The following MCPH1 variants were observed in gnomAD, a reference collection of about 807,000 sequenced individuals.
The protein encoded by MCPH1 is microcephalin.
A neutral mutation model predicts 84.5 loss-of-function variants in MCPH1; 104 were observed. The observed-to-expected ratio is 1.23, with a 90% CI of 1.05 to 1.45. The LOEUF is 1.45. MCPH1 is among the 40% of genes most tolerant of loss of function. The pLI, the probability that MCPH1 is intolerant of heterozygous loss-of-function variation, is 0.00. For missense variants in MCPH1, 1,498 were observed against 1,005.7 expected (o/e 1.49, Z -6.62); for synonymous variants, 514 against 366.8 (o/e 1.40, Z -4.58).
rs1396846040 is a variant in MCPH1, at chr8:6,465,844, T to A, written c.1935+10592T>A. ...TTGTCTTGAAGGCTAGAATTTACTT[T>A]AAATGTGAGTGGTTTTCCCAGGAAA... is the stretch of plus-strand genomic sequence containing the variant. On this transcript the variant is annotated intron_variant, in intron 9 of 13. Transcript: ENST00000344683. 2.6e-5 allele frequency among the ~76,000 whole-genome samples: 4 copies of A among 152,332 alleles called. No individual in the cohort carries two copies. In the East Asian group the frequency reaches 7.7e-4, roughly 29 times the overall value.
intron 9 of MCPH1, among the ~76,000 whole-genome samples, chr8:6,457,687 C>T (rs568035736): frequency 9.8e-4 from 149 of 152,282 alleles, no homozygotes; most frequent in South Asian, 1.0e-3. Context: ...TGCGGCACCC[C>T]GTCCTTAACG....
In MCPH1 at chr8:6,546,584, G is replaced by T. The variant is rs139340584; in HGVS notation, c.2214+46655G>T. On this transcript the variant is annotated intron_variant, in intron 12 of 13. Coordinates refer to ENST00000344683, the MANE Select transcript of MCPH1 (RefSeq NM_024596.5). Reference sequence around the variant, plus strand: ...ATATGTATATTGGTATTTTCAAATAGCTACTAAATTGTCAGAACATAAATA... The same window carrying T: ...ATATGTATATTGGTATTTTCAAATATCTACTAAATTGTCAGAACATAAATA... Among the ~76,000 whole-genome samples, 492 of 152,172 alleles carry T rather than the reference G, an allele frequency of 3.2e-3. 7 individuals are homozygous for T. The highest frequency in any genetic ancestry group is 0.011 in the African/African-American group (474 of 41,512).
intron 12 of MCPH1, among the ~76,000 whole-genome samples, chr8:6,553,604 G>C (rs1451762022): frequency 6.6e-6 from 1 of 152,032 alleles, no homozygotes; most frequent in East Asian, 1.9e-4. Flanking sequence ...CTTTGCCATA[G>C]TTTGGCTAAA....
At chr8:6,623,565 AT>A (rs1831712416) in intron 13 of MCPH1, among the ~76,000 whole-genome samples, 1 of 152,038 alleles carries the variant, frequency 6.6e-6, no homozygotes, top group Admixed American at 6.6e-5. Context: ...AACTACGGAC[AT>A]TTTACAAGTA....
intron 12 of MCPH1, among the ~76,000 whole-genome samples, chr8:6,611,124 A>ACACT (rs1554477010): frequency 4.9e-4 from 65 of 133,620 alleles, no homozygotes; most frequent in African/African-American, 1.6e-3. Context: ...TCTCTCACAC[A>ACACT]CACACTCACA....
At chr8:6,529,507 G>A (rs115553146) in intron 12 of MCPH1, among the ~76,000 whole-genome samples, 9,117 of 149,610 alleles carry the variant, frequency 0.061, 953 homozygotes, top group African/African-American at 0.21. Flanking sequence ...GCTGCAGTGC[G>A]GTGGCACCAT....
At chr8:6,457,133 A>C (rs1306153711) in intron 9 of MCPH1, among the ~76,000 whole-genome samples, 2 of 152,230 alleles carry the variant, frequency 1.3e-5, no homozygotes, top group Non-Finnish European at 2.9e-5. Context: ...AGGAACAAAA[A>C]TATTTTCATA....
Position 6,421,545 on chromosome 8 carries a change from GA to G in MCPH1, c.233+6672del, listed in dbSNP as rs377571782. On this transcript the variant is annotated intron_variant, in intron 3 of 13. Transcript: ENST00000344683. Reference sequence around the variant, plus strand: ...GCCCATGAGGTAAGAATGGTTAAGAGAAAAAAAAAATTCAAATGTTTACTAT... The same window carrying G: ...GCCCATGAGGTAAGAATGGTTAAGAGAAAAAAAAATTCAAATGTTTACTAT... Among the ~76,000 whole-genome samples the G allele has an allele frequency of 3.2e-3, 464 of 147,206 alleles. 4 individuals carry two copies. Among genetic ancestry groups the G allele is most frequent in the African/African-American group, 0.011 (425 of 40,064 alleles).
At chr8:6,538,041 C>T (rs944927406) in intron 12 of MCPH1, among the ~76,000 whole-genome samples, 2 of 152,130 alleles carry the variant, frequency 1.3e-5, no homozygotes, top group African/African-American at 4.8e-5. Context: ...TCCTTGGAAA[C>T]TTTTTACTGT....
chr8:6,509,847 C>T (rs552673511), intron 12 of MCPH1, among the ~76,000 whole-genome samples: 6 of 152,172 alleles, frequency 3.9e-5, no homozygotes, highest in Non-Finnish European at 4.4e-5. Context: ...TTTGGCAACA[C>T]GGTGCACGCA....
chr8:6,473,503 T>C (rs1808039268), intron 9 of MCPH1, among the ~76,000 whole-genome samples: 1 of 151,982 alleles, frequency 6.6e-6, no homozygotes, highest in Admixed American at 6.6e-5. Flanking sequence ...GGCTAATTTT[T>C]TGTATTTTTA....
chr8:6,488,725 G>A (rs977896251), intron 11 of MCPH1, among the ~76,000 whole-genome samples: 5 of 152,066 alleles, frequency 3.3e-5, no homozygotes, highest in African/African-American at 7.2e-5. Flanking sequence ...AGTTCAAGAC[G>A]AGGGATGCAG....
intron 8 of MCPH1, among the ~76,000 whole-genome samples, chr8:6,454,900 T>A (rs201859169): frequency 1.3e-5 from 2 of 152,144 alleles, no homozygotes; most frequent in East Asian, 3.8e-4. Context: ...ATGGACGGAG[T>A]TGATGCTGTA....
At chr8:6,509,591 G>T (rs1001787639) in intron 12 of MCPH1, among the ~76,000 whole-genome samples, 1 of 152,042 alleles carries the variant, frequency 6.6e-6, no homozygotes, top group African/African-American at 2.4e-5. Context: ...GTATAGTAGG[G>T]TAATGTAATT....
chr8:6,499,756 G>A (rs1586135896), intron 11 of MCPH1, 96 bp from the exon 12 acceptor site: 9 of 992,716 alleles, frequency 9.1e-6, no homozygotes, highest in African/African-American at 1.6e-5. Flanking sequence ...TCTGCGGAGT[G>A]TATCACTTTT....
At chr8:6,550,835 G>A (rs923538542) in intron 12 of MCPH1, among the ~76,000 whole-genome samples, 3 of 152,162 alleles carry the variant, frequency 2.0e-5, no homozygotes, top group Admixed American at 1.3e-4. Context: ...AGCACATGGC[G>A]TGCACCTGAT....
At chr8:6,598,236 T>C (rs1183466778) in intron 12 of MCPH1, among the ~76,000 whole-genome samples, 1 of 152,152 alleles carries the variant, frequency 6.6e-6, no homozygotes, top group Non-Finnish European at 1.5e-5. Flanking sequence ...CACACCAGCC[T>C]TGGGGAGCCA....
At chr8:6,505,559 A>G (rs1211168283) in intron 12 of MCPH1, among the ~76,000 whole-genome samples, 1 of 60,266 alleles carries the variant, frequency 1.7e-5, no homozygotes, top group African/African-American at 6.9e-5. Flanking sequence ...TATACTTTAT[A>G]TATGTATATA....
intron 12 of MCPH1, among the ~76,000 whole-genome samples, chr8:6,591,734 C>A (rs1828472092): frequency 1.3e-5 from 2 of 152,204 alleles, no homozygotes; most frequent in African/African-American, 4.8e-5. Context: ...TCAGCTCCTG[C>A]ACTGCATTTG....
Sources: gnomAD v4.1 joint callset for allele counts (sites outside exome capture counted in the v4.1 genomes callset) on GRCh38, gnomAD v4.1.1 for gene constraint, MANE v1.5 for transcripts, NCBI Gene and HGNC (gene_info 2026-07-23, HGNC 2026-07-21) for gene names.